PDE4D: variants seen among roughly 807,000 people sequenced by gnomAD.
The protein encoded by PDE4D is phosphodiesterase 4D.
PDE4D carries 24 observed loss-of-function variants against 87.4 expected under a neutral mutation model. That is an observed-to-expected ratio of 0.27 (90% CI 0.20 to 0.39). The LOEUF is 0.39. Among genes scored for constraint, PDE4D ranks in the 10% least tolerant of loss-of-function variants. The pLI is 1.00. For synonymous variants in PDE4D, 384 were observed against 383.2 expected (o/e 1.00, Z -0.02); for missense variants, 714 against 1,041.0 (o/e 0.69, Z 4.32).
intron 1 of PDE4D, among the ~76,000 whole-genome samples, chr5:60,337,351 C>CAATATA (rs1491477498): frequency 6.4e-5 from 4 of 62,260 alleles, no homozygotes; most frequent in Non-Finnish European, 1.3e-4. Flanking sequence ...AACAAACAAA[C>CAATATA]TATATATATA....
At chr5:60,117,625 T>C (rs541873899) in intron 2 of PDE4D, among the ~76,000 whole-genome samples, 2 of 152,232 alleles carry the variant, frequency 1.3e-5, no homozygotes, top group South Asian at 4.1e-4. Context: ...AAAGAGACCC[T>C]GATCCCACAA....
chr5:59,245,793 G>A (rs777365603), intron 1 of PDE4D, among the ~76,000 whole-genome samples: 7 of 151,898 alleles, frequency 4.6e-5, no homozygotes, highest in Non-Finnish European at 8.8e-5. Context: ...TACCATGCAG[G>A]GCTCTGTGAG....
chr5:59,254,997 C>T (rs27949), intron 1 of PDE4D, among the ~76,000 whole-genome samples: 106,667 of 151,976 alleles, frequency 0.7, 37,757 homozygotes, highest in African/African-American at 0.78. Flanking sequence ...TGCAGATACA[C>T]TGGAAAATAA....
chr5:59,722,974 CATT>C (rs770361186), intron 1 of PDE4D, among the ~76,000 whole-genome samples: 215 of 152,188 alleles, frequency 1.4e-3, no homozygotes, highest in Non-Finnish European at 2.3e-3. Flanking sequence ...ACAATTGCTT[CATT>C]ATTATATAGT....
intron 2 of PDE4D, among the ~76,000 whole-genome samples, chr5:60,132,975 C>T (rs1231451720): frequency 6.6e-6 from 1 of 152,212 alleles, no homozygotes; most frequent in Non-Finnish European, 1.5e-5. Flanking sequence ...TTACTATACA[C>T]TCTGTTCCAA....
intron 2 of PDE4D, among the ~76,000 whole-genome samples, chr5:60,020,111 T>C (rs1765899041): frequency 6.6e-6 from 1 of 151,794 alleles, no homozygotes; most frequent in Admixed American, 6.6e-5. Context: ...AATAGGGAGG[T>C]TTGAGGAGAG....
intron 2 of PDE4D, among the ~76,000 whole-genome samples, chr5:59,205,759 A>G (rs1748647783): frequency 6.6e-6 from 1 of 151,996 alleles, no homozygotes; most frequent in Non-Finnish European, 1.5e-5. Context: ...GAAGTTCTGT[A>G]AGCACCAAAG....
At chr5:60,354,655 A>G (rs183307588) in intron 1 of PDE4D, among the ~76,000 whole-genome samples, 22 of 152,280 alleles carry the variant, frequency 1.4e-4, no homozygotes, top group Admixed American at 1.3e-3. Context: ...AGTCACCACA[A>G]TTGGAGGTTG....
chr5:59,639,812 AGTGTGTGTGTGTGT>A lies in PDE4D; in HGVS notation c.455+253342_455+253355del, dbSNP rs70975323. On this transcript the variant is annotated intron_variant, in intron 1 of 14. Coordinates refer to ENST00000340635, the MANE Select transcript of PDE4D (RefSeq NM_001104631.2). ...TGCCAATTTTAAATATAGTGTCTAT[AGTGTGTGTGTGTGT>A]GTGTGTGTGTGTGTGTGTGTGTGTG... Among the ~76,000 whole-genome samples, 441 of 143,560 alleles carry A rather than the reference AGTGTGTGTGTGTGT, an allele frequency of 3.1e-3. 1 individual carries two copies. Among genetic ancestry groups the A allele is most frequent in the East Asian group, 8.7e-3 (43 of 4,918 alleles). The allele number at this position is 143,560 out of a possible 152,430, so 94.2% of individuals were successfully genotyped here.
At chr5:59,683,976 A>G (rs1749452569) in intron 1 of PDE4D, among the ~76,000 whole-genome samples, 1 of 152,220 alleles carries the variant, frequency 6.6e-6, no homozygotes, top group African/African-American at 2.4e-5. Context: ...ATCTGGCTTT[A>G]GGCCAATTTT....
chr5:58,990,890 C>T lies in PDE4D; in HGVS notation c.1201G>A (p.Val401Met). The stretch of plus-strand genomic sequence containing the variant: ...AAAACATGAAGACCCCATTTGTTCA[C>T]ATCTTCTAGTTCCTGGAGTGAAAAA... ...EDVLAKELED[V>M]NKWGLHVFRI... The change falls in exon 9 of 15, where the codon GTG (valine) becomes ATG (methionine). Residue 401 changes from valine to methionine, a missense_variant. This residue lies in a region of PDE4D where 141 missense variants were observed against 204.3 expected (regional missense o/e 0.69). Transcript: ENST00000340635. 6.4e-7 allele frequency: 1 copy of T among 1,558,356 alleles called. No individual in the cohort carries two copies. Among genetic ancestry groups the T allele is most frequent in the Non-Finnish European group, 8.8e-7 (1 of 1,137,490 alleles).
chr5:60,500,990 T>G (rs1750043875), intron 1 of PDE4D, among the ~76,000 whole-genome samples: 1 of 152,112 alleles, frequency 6.6e-6, no homozygotes, highest in Non-Finnish European at 1.5e-5. Flanking sequence ...TTTTCTTTTT[T>G]TTTTTAATTT....
intron 1 of PDE4D, among the ~76,000 whole-genome samples, chr5:59,257,933 T>C (rs1045133183): frequency 6.6e-6 from 1 of 151,954 alleles, no homozygotes; most frequent in Non-Finnish European, 1.5e-5. Context: ...AGGTCAGATA[T>C]GTACAGAAAA....
At chr5:59,009,769 T>C (rs1000272424) in intron 6 of PDE4D, among the ~76,000 whole-genome samples, 6 of 152,232 alleles carry the variant, frequency 3.9e-5, no homozygotes, top group Non-Finnish European at 8.8e-5. Flanking sequence ...GTAACTCTTA[T>C]GTAAATTATA....
intron 1 of PDE4D, 103 bp from the exon 2 acceptor site, chr5:59,216,071 G>A: frequency 2.7e-6 from 2 of 753,520 alleles, no homozygotes; most frequent in South Asian, 1.9e-5. Context: ...GGAATTAGCA[G>A]GAATGAAAAT....
intron 1 of PDE4D, among the ~76,000 whole-genome samples, chr5:60,474,104 CCATA>C (rs1473375640): frequency 1.2e-3 from 25 of 21,198 alleles, no homozygotes; most frequent in African/African-American, 2.0e-3. Context: ...CTTTGAGCTG[CCATA>C]TATATATATA....
intron 1 of PDE4D, among the ~76,000 whole-genome samples, chr5:60,345,630 T>C (rs1445765030): frequency 6.6e-6 from 1 of 151,920 alleles, no homozygotes; most frequent in Non-Finnish European, 1.5e-5. Context: ...ATAATCTTAC[T>C]TATATTTGTT....
intron 1 of PDE4D, among the ~76,000 whole-genome samples, chr5:60,502,614 A>G (rs1261112440): frequency 6.6e-6 from 1 of 152,154 alleles, no homozygotes; most frequent in African/African-American, 2.4e-5. Flanking sequence ...TCCCCCTGCT[A>G]CAGGTTTTCA....
intron 1 of PDE4D, among the ~76,000 whole-genome samples, chr5:59,432,396 G>A (rs960311572): frequency 6.6e-5 from 10 of 152,026 alleles, no homozygotes; most frequent in Non-Finnish European, 8.8e-5. Flanking sequence ...CTTTATTGAC[G>A]GACATATAAT....
Sources: gnomAD v4.1 joint callset for allele counts (sites outside exome capture counted in the v4.1 genomes callset) on GRCh38, gnomAD v4.1.1 for gene constraint, gnomAD v4.1.1 regional missense constraint, MANE v1.5 for transcripts, NCBI Gene and HGNC (gene_info 2026-07-23, HGNC 2026-07-21) for gene names.